Variants in AGBL4 observed in about 807,000 individuals in gnomAD.
AGBL4 encodes the protein cytosolic carboxypeptidase 6.
AGBL4 carries 58 observed loss-of-function variants against 66.4 expected under a neutral mutation model. The ratio of observed to expected loss-of-function variants is 0.87; its 90% CI spans 0.71 to 1.09. The LOEUF is 1.09. Ranked by LOEUF, AGBL4 falls within the 50% of genes least tolerant of loss-of-function variation. The probability of loss-of-function intolerance (pLI) is 0.00; values close to 1 mark genes in which losing one functional copy is unlikely to be tolerated. For missense variants in AGBL4, 579 were observed against 631.0 expected, an observed-to-expected ratio of 0.92 and a Z score of 0.88; for synonymous variants, 234 against 222.9, an observed-to-expected ratio of 1.05 and a Z score of -0.44.
chr1:49,961,607 C>A (rs1657125114), intron 1 of AGBL4, among the ~76,000 whole-genome samples: 1 of 152,010 alleles, frequency 6.6e-6, no homozygotes, highest in Admixed American at 6.6e-5. Context: ...TTATTTCTAC[C>A]ATTATTAAAA....
At chr1:48,913,621 C>T (rs1653337637) in intron 5 of AGBL4, among the ~76,000 whole-genome samples, 1 of 152,134 alleles carries the variant, frequency 6.6e-6, no homozygotes, top group African/African-American at 2.4e-5. Context: ...CCTCCCATCA[C>T]CCCCAGATGG....
intron 5 of AGBL4, among the ~76,000 whole-genome samples, chr1:48,910,232 A>C (rs1652969429): frequency 6.6e-6 from 1 of 152,256 alleles, no homozygotes; most frequent in Non-Finnish European, 1.5e-5. Flanking sequence ...GCAGGTAAGT[A>C]GGTGCTCAGT....
chr1:49,884,028 T>C (rs1391124513), intron 1 of AGBL4, among the ~76,000 whole-genome samples: 2 of 152,022 alleles, frequency 1.3e-5, no homozygotes, highest in African/African-American at 4.8e-5. Context: ...ATTGTTGCTA[T>C]GGAATAACTT....
intron 5 of AGBL4, among the ~76,000 whole-genome samples, chr1:48,996,803 T>TTTCCTTCCTTCCTCCC (rs1553137056): frequency 2.0e-5 from 2 of 99,616 alleles, no homozygotes; most frequent in African/African-American, 5.1e-5. Flanking sequence ...GGCCAAGGAA[T>TTTCCTTCCTTCCTCCC]TTCCTTCCTT....
Position 49,791,708 on chromosome 1 carries a change from T to C in AGBL4, c.157+59688A>G, listed in dbSNP as rs565540541. Among the ~76,000 whole-genome samples the C allele has an allele frequency of 9.9e-5, 15 of 152,236 alleles. No homozygotes were observed. In the South Asian group the frequency reaches 2.5e-3, roughly 25 times the overall value. ...TGCCTTCTCACAGATCCCTACTATC[T>C]TTTAGGTCTCAGTTTAAAGCTTATC... On this transcript the variant is annotated intron_variant, in intron 2 of 13. Coordinates refer to ENST00000371839, the MANE Select transcript of AGBL4 (RefSeq NM_032785.4).
intron 3 of AGBL4, among the ~76,000 whole-genome samples, chr1:49,517,848 T>C (rs936759729): frequency 1.3e-5 from 2 of 152,076 alleles, no homozygotes; most frequent in Non-Finnish European, 2.9e-5. Flanking sequence ...AAATGTACCA[T>C]GGCAAACTGC....
At chr1:49,459,750 A>G (rs1646470278) in intron 3 of AGBL4, among the ~76,000 whole-genome samples, 1 of 151,612 alleles carries the variant, frequency 6.6e-6, no homozygotes, top group Non-Finnish European at 1.5e-5. Context: ...GTGTGACCTT[A>G]GAAAGTCTAT....
intron 2 of AGBL4, among the ~76,000 whole-genome samples, chr1:49,771,863 T>C (rs1644069230): frequency 6.6e-6 from 1 of 152,064 alleles, no homozygotes; most frequent in African/African-American, 2.4e-5. Context: ...CCCTGTATTG[T>C]CTTTAATGGT....
intron 4 of AGBL4, among the ~76,000 whole-genome samples, chr1:49,233,959 T>A (rs1427846684): frequency 6.6e-6 from 1 of 152,164 alleles, no homozygotes; most frequent in African/African-American, 2.4e-5. Context: ...GTACTACTAA[T>A]AGAAAGCTCC....
intron 2 of AGBL4, among the ~76,000 whole-genome samples, chr1:49,748,170 C>A (rs957675160): frequency 2.4e-4 from 36 of 152,138 alleles, no homozygotes; most frequent in African/African-American, 7.9e-4. Context: ...TTGCGCCCCA[C>A]CCCCTGACAG....
At chr1:49,360,089 CAAG>C (rs1209227734) in intron 3 of AGBL4, among the ~76,000 whole-genome samples, 1 of 152,100 alleles carries the variant, frequency 6.6e-6, no homozygotes, top group Non-Finnish European at 1.5e-5. Context: ...ATCTTTCCAC[CAAG>C]AAGATTTTTC....
intron 3 of AGBL4, among the ~76,000 whole-genome samples, chr1:49,371,864 T>C (rs1307645976): frequency 7.1e-6 from 1 of 141,300 alleles, no homozygotes; most frequent in Non-Finnish European, 1.6e-5. Flanking sequence ...TGTGTGTGTG[T>C]GTGTTTAAAT....
At chr1:49,187,268 T>C (rs1647032885) in intron 4 of AGBL4, 1 of 152,142 alleles carries the variant, frequency 6.6e-6, no homozygotes, top group African/African-American at 2.4e-5. Context: ...TAATGAGTTT[T>C]CGGGAACAGA....
At chr1:49,097,652 G>A (rs907732471) in intron 4 of AGBL4, among the ~76,000 whole-genome samples, 2 of 152,206 alleles carry the variant, frequency 1.3e-5, no homozygotes, top group Admixed American at 1.3e-4. Flanking sequence ...CACGATCTCA[G>A]CTCGCTTCAC....
chr1:48,574,697 C>G (rs528819914), intron 11 of AGBL4, among the ~76,000 whole-genome samples: 4 of 152,224 alleles, frequency 2.6e-5, no homozygotes, highest in Admixed American at 1.3e-4. Flanking sequence ...CTCCCACCTC[C>G]TGTCTCTTGA....
At chr1:49,066,923 A>G (rs1236174237) in intron 4 of AGBL4, among the ~76,000 whole-genome samples, 1 of 152,214 alleles carries the variant, frequency 6.6e-6, no homozygotes, top group African/African-American at 2.4e-5. Context: ...AAAGCTGTAT[A>G]TGGATAATGC....
chr1:49,476,119 T>C (rs1646839942), intron 3 of AGBL4, among the ~76,000 whole-genome samples: 2 of 151,952 alleles, frequency 1.3e-5, no homozygotes, highest in Admixed American at 6.5e-5. Flanking sequence ...GTTTTGTCTC[T>C]GTCTTCATTT....
At chr1:49,129,955 C>T (rs1047239498) in intron 4 of AGBL4, among the ~76,000 whole-genome samples, 16 of 152,186 alleles carry the variant, frequency 1.1e-4, no homozygotes, top group African/African-American at 3.6e-4. Context: ...TCCTATTTCT[C>T]CACATCCTCT....
Position 49,437,535 on chromosome 1 carries a change from A to G in AGBL4, c.283-191671T>C, listed in dbSNP as rs1212936846. Among the ~76,000 whole-genome samples the G allele has an allele frequency of 5.9e-5, 9 of 152,314 alleles. 1 individual carries two copies. Among genetic ancestry groups the G allele is most frequent in the African/African-American group, 1.7e-4 (7 of 41,572 alleles). On this transcript the variant is annotated intron_variant, in intron 3 of 13. Coordinates refer to ENST00000371839, the MANE Select transcript of AGBL4 (RefSeq NM_032785.4). ...CTTATGGAGGCTATCTGGAAGAAAT[A>G]CCTTACGTTTTTACTTGTTTCTGCC...
Sources: gnomAD v4.1 joint callset for allele counts (sites outside exome capture counted in the v4.1 genomes callset) on GRCh38, gnomAD v4.1.1 for gene constraint, MANE v1.5 for transcripts, NCBI Gene and HGNC (gene_info 2026-07-23, HGNC 2026-07-21) for gene names.